GPC6: variants seen among roughly 807,000 people sequenced by gnomAD.
GPC6 encodes glypican-6.
GPC6 carries 14 observed loss-of-function variants against 55.2 expected under a neutral mutation model. The ratio of observed to expected loss-of-function variants is 0.25; its 90% CI spans 0.17 to 0.40. GPC6 has a LOEUF of 0.40. Among genes scored for constraint, GPC6 ranks in the 10% least tolerant of loss-of-function variants. The probability of loss-of-function intolerance (pLI) is 1.00; values close to 1 mark genes in which losing one functional copy is unlikely to be tolerated. For missense variants in GPC6, 641 were observed against 708.5 expected (o/e 0.90, Z 1.08); for synonymous variants, 278 against 259.6 (o/e 1.07, Z -0.68).
chr13:94,184,141 G>T (rs756053586), intron 4 of GPC6, among the ~76,000 whole-genome samples: 12 of 152,136 alleles, frequency 7.9e-5, no homozygotes, highest in Non-Finnish European at 1.5e-4. Flanking sequence ...ATGGATTAAA[G>T]ATTTAAGTGT....
At chr13:93,576,658 C>T (rs1050698793) in intron 2 of GPC6, among the ~76,000 whole-genome samples, 8 of 152,054 alleles carry the variant, frequency 5.3e-5, no homozygotes, top group Admixed American at 6.6e-5. Context: ...GTCATGCTAA[C>T]GTACAATTTC....
intron 1 of GPC6, among the ~76,000 whole-genome samples, chr13:93,336,222 C>A (rs986431387): frequency 6.6e-6 from 1 of 152,128 alleles, no homozygotes; most frequent in Non-Finnish European, 1.5e-5. Flanking sequence ...TTGGTAGAAG[C>A]GTTGTGTAAA....
intron 4 of GPC6, among the ~76,000 whole-genome samples, chr13:94,053,709 A>G (rs543071861): frequency 6.6e-6 from 1 of 152,180 alleles, no homozygotes; most frequent in Admixed American, 6.5e-5. Flanking sequence ...GTAAACACCC[A>G]TTTTCTGGGT....
intron 1 of GPC6, among the ~76,000 whole-genome samples, chr13:93,327,250 G>C (rs1409186765): frequency 6.6e-6 from 1 of 152,082 alleles, no homozygotes; most frequent in African/African-American, 2.4e-5. Context: ...TCTAAGCATT[G>C]TTCAAATAAA....
intron 1 of GPC6, among the ~76,000 whole-genome samples, chr13:93,233,496 G>A (rs1876131578): frequency 6.6e-6 from 1 of 152,184 alleles, no homozygotes; most frequent in Non-Finnish European, 1.5e-5. Flanking sequence ...CATTGTACCA[G>A]GTTCTGGGGG....
At position 94,074,194 on chromosome 13, in the gene GPC6, A is replaced by G. The variant is rs535374598; in HGVS notation, c.877+46300A>G. On this transcript the variant is annotated intron_variant, in intron 4 of 8. Coordinates refer to ENST00000377047, the MANE Select transcript of GPC6 (RefSeq NM_005708.5). ...CCTCCATGCATTTTTTCAGAATAGC[A>G]ATCATCATGGGAAAGTAGAGATTAA... 3.3e-5 allele frequency among the ~76,000 whole-genome samples: 5 copies of G among 152,318 alleles called. No homozygotes were observed. The South Asian group carries it at 1.0e-3, about 32-fold the overall frequency.
At chr13:93,804,566 G>T (rs1392352296) in intron 2 of GPC6, among the ~76,000 whole-genome samples, 1 of 152,032 alleles carries the variant, frequency 6.6e-6, no homozygotes, top group Non-Finnish European at 1.5e-5. Flanking sequence ...CCATAACTTA[G>T]TGTTCCCACT....
chr13:94,073,003 A>C (rs952477611), intron 4 of GPC6, among the ~76,000 whole-genome samples: 1 of 152,186 alleles, frequency 6.6e-6, no homozygotes, highest in African/African-American at 2.4e-5. Context: ...ACTGGGCCCC[A>C]TTCAAGAAAT....
intron 4 of GPC6, among the ~76,000 whole-genome samples, chr13:94,055,795 TA>T (rs1231449586): frequency 5.3e-5 from 8 of 151,786 alleles, no homozygotes; most frequent in Non-Finnish European, 1.0e-4. Flanking sequence ...GCCCTTTTCC[TA>T]AAAAAAACAA....
At chr13:94,399,626 G>A (rs1881044004) in intron 8 of GPC6, among the ~76,000 whole-genome samples, 1 of 152,178 alleles carries the variant, frequency 6.6e-6, no homozygotes, top group Non-Finnish European at 1.5e-5. Flanking sequence ...GTTACAGATA[G>A]AAGACCTCAA....
chr13:94,384,345 TGACTGTACAGAAA>T (rs1880307150), intron 7 of GPC6, among the ~76,000 whole-genome samples: 1 of 152,210 alleles, frequency 6.6e-6, no homozygotes, highest in South Asian at 2.1e-4. Flanking sequence ...ATTTTCCCGA[TGACTGTACAGAAA>T]GACACTGTGA....
At chr13:93,946,701 TG>T (rs1879026816) in intron 3 of GPC6, among the ~76,000 whole-genome samples, 1 of 152,142 alleles carries the variant, frequency 6.6e-6, no homozygotes, top group Non-Finnish European at 1.5e-5. Flanking sequence ...CCCAAACTCT[TG>T]AATATTAGAC....
Position 94,398,474 on chromosome 13 carries a change from C to A in GPC6, c.1298C>A (p.Pro433His). 6.2e-7 allele frequency: 1 copy of A among 1,612,822 alleles called. No individual in the cohort carries two copies. Among genetic ancestry groups the A allele is most frequent in the Non-Finnish European group, 8.5e-7 (1 of 1,178,898 alleles). ...WNGHSKARYL[P>H]EIMNDGLTNQ... ...CACTCTCTGCCTTGCAGATACTTGC[C>A]TGAGATCATGAATGATGGGCTCACC... is the stretch of plus-strand genomic sequence containing the variant. Residue 433 changes from proline to histidine, a missense_variant, in exon 8 of 9, where the codon CCT becomes CAT. By Grantham distance (77) the Pro-to-His change is moderately conservative. Transcript: ENST00000377047.
chr13:94,016,720 T>C (rs1459783415), intron 3 of GPC6, among the ~76,000 whole-genome samples: 2 of 152,232 alleles, frequency 1.3e-5, no homozygotes, highest in African/African-American at 2.4e-5. Context: ...TGTATTTCCA[T>C]TGAATTAGGT....
intron 1 of GPC6, among the ~76,000 whole-genome samples, chr13:93,281,336 C>T (rs1220883545): frequency 3.3e-5 from 5 of 152,140 alleles, no homozygotes; most frequent in African/African-American, 1.2e-4. Context: ...CTAGTGAGGG[C>T]CAGCTTCCTG....
intron 2 of GPC6, among the ~76,000 whole-genome samples, chr13:93,824,296 C>T (rs1004398482): frequency 2.6e-5 from 4 of 152,132 alleles, no homozygotes; most frequent in African/African-American, 7.2e-5. Context: ...TGAGTTTATT[C>T]AATACAGCAG....
At chr13:93,529,510 C>CTTTTTTTTTTT (rs1165594323) in intron 1 of GPC6, among the ~76,000 whole-genome samples, 2 of 85,180 alleles carry the variant, frequency 2.3e-5, no homozygotes, top group African/African-American at 5.0e-5. Context: ...CTCTGAGATT[C>CTTTTTTTTTTT]TTTTTTTTTT....
intron 3 of GPC6, among the ~76,000 whole-genome samples, chr13:93,846,153 A>G (rs1162972801): frequency 6.6e-6 from 1 of 152,172 alleles, no homozygotes; most frequent in Non-Finnish European, 1.5e-5. Flanking sequence ...ACCAAAATGT[A>G]TAGCAAGCAC....
intron 2 of GPC6, among the ~76,000 whole-genome samples, chr13:93,618,517 C>G (rs982057347): frequency 1.3e-5 from 2 of 151,968 alleles, no homozygotes; most frequent in African/African-American, 2.4e-5. Context: ...AGGCAAAGAT[C>G]AAGGCTTTAA....
Sources: allele counts gnomAD v4.1 joint callset (sites outside exome capture counted in the v4.1 genomes callset), GRCh38; gene constraint gnomAD v4.1.1; transcripts MANE v1.5; gene names NCBI Gene and HGNC (gene_info 2026-07-23, HGNC 2026-07-21).